Variants in CEP112 observed in about 807,000 individuals in gnomAD.
CEP112 encodes centrosomal protein of 112 kDa.
A neutral mutation model predicts 153.0 loss-of-function variants in CEP112; 127 were observed. The observed-to-expected ratio is 0.83, with a 90% CI of 0.72 to 0.96. The LOEUF is 0.96. Among genes scored for constraint, CEP112 ranks in the 40% least tolerant of loss-of-function variants. The pLI is 0.00. For synonymous variants in CEP112, 358 were observed against 374.4 expected (o/e 0.96, Z 0.51); for missense variants, 1,089 against 1,101.2 (o/e 0.99, Z 0.16).
chr17:65,943,049 G>C (rs576015675), intron 18 of CEP112, among the ~76,000 whole-genome samples: 5 of 152,060 alleles, frequency 3.3e-5, no homozygotes, highest in Non-Finnish European at 7.4e-5. Flanking sequence ...ATAGGCTTAA[G>C]GTGTAAGAAA....
Position 65,683,761 on chromosome 17 carries a change from C to A in CEP112, c.2697+5368G>T, listed in dbSNP as rs1250480765. On this transcript the variant is annotated intron_variant, in intron 24 of 26. Transcript: ENST00000535342. ...GCCATTTAGTAAAAGAACCAACTTC[C>A]AGCTGGGTGCGGTGGCTCAGGCCTG... Among the ~76,000 whole-genome samples the A allele has an allele frequency of 2.0e-5, 3 of 152,188 alleles. No homozygotes were observed. In the East Asian group the frequency reaches 5.8e-4, roughly 30 times the overall value.
chr17:65,666,674 CAT>C (rs2046708686), intron 24 of CEP112, among the ~76,000 whole-genome samples: 1 of 151,846 alleles, frequency 6.6e-6, no homozygotes, highest in Non-Finnish European at 1.5e-5. Flanking sequence ...TTCCTGAAAA[CAT>C]AACGAAATTG....
chr17:66,041,029 A>AT (rs1333946260), intron 12 of CEP112, among the ~76,000 whole-genome samples: 1 of 151,766 alleles, frequency 6.6e-6, no homozygotes. Context: ...TTCAAGATGC[A>AT]TTTTTTCTAT....
At chr17:66,023,300 T>A (rs1325139394) in intron 16 of CEP112, among the ~76,000 whole-genome samples, 1 of 151,832 alleles carries the variant, frequency 6.6e-6, no homozygotes, top group South Asian at 2.1e-4. Context: ...AAGAAAAAAA[T>A]CCTAAACTCA....
intron 16 of CEP112, among the ~76,000 whole-genome samples, chr17:66,013,068 T>C (rs577469725): frequency 6.6e-6 from 1 of 152,360 alleles, no homozygotes; most frequent in South Asian, 2.1e-4. Flanking sequence ...TCCAGCTCTA[T>C]CAGGTAAGTT....
chr17:65,993,058 T>C (rs1337369051), intron 17 of CEP112, among the ~76,000 whole-genome samples: 2 of 152,208 alleles, frequency 1.3e-5, no homozygotes, highest in Non-Finnish European at 2.9e-5. Flanking sequence ...AAGCCCAGCA[T>C]GCATTAGCTA....
chr17:65,746,678 A>C (rs1040459845), intron 22 of CEP112, among the ~76,000 whole-genome samples: 1 of 152,142 alleles, frequency 6.6e-6, no homozygotes, highest in African/African-American at 2.4e-5. Flanking sequence ...GTAGAACTAT[A>C]ATCATGGTAA....
chr17:65,643,796 C>T (rs1804847), intron 24 of CEP112, among the ~76,000 whole-genome samples: 1 of 152,176 alleles, frequency 6.6e-6, no homozygotes, highest in South Asian at 2.1e-4. Context: ...TCAGGAGTCC[C>T]TTCTCCAGAT....
At chr17:65,870,038 A>AAAGG (rs2058607630) in intron 20 of CEP112, among the ~76,000 whole-genome samples, 7 of 72,416 alleles carry the variant, frequency 9.7e-5, no homozygotes, top group Non-Finnish European at 6.7e-5. Context: ...AGAAAGAAAG[A>AAAGG]AAGAAAGAAA....
At chr17:66,076,413 G>A (rs1297908374) in intron 8 of CEP112, among the ~76,000 whole-genome samples, 1 of 152,094 alleles carries the variant, frequency 6.6e-6, no homozygotes, top group African/African-American at 2.4e-5. Context: ...TGGGAGCTGG[G>A]TGAGAGCTGT....
At chr17:65,988,436 A>T (rs1415800171) in intron 17 of CEP112, among the ~76,000 whole-genome samples, 1 of 152,244 alleles carries the variant, frequency 6.6e-6, no homozygotes, top group Non-Finnish European at 1.5e-5. Context: ...GCAAGGAACC[A>T]GCAACTGACT....
chr17:65,639,308 T>A (rs139846952), intron 25 of CEP112, among the ~76,000 whole-genome samples: 71 of 152,256 alleles, frequency 4.7e-4, no homozygotes, highest in African/African-American at 1.7e-3. Context: ...ATTAAGCACC[T>A]GTTATGTGCC....
At chr17:65,967,716 T>C (rs1299158721) in intron 17 of CEP112, among the ~76,000 whole-genome samples, 1 of 152,150 alleles carries the variant, frequency 6.6e-6, no homozygotes, top group Non-Finnish European at 1.5e-5. Context: ...TAAGTAAAAT[T>C]AATGAAAGTT....
At chr17:65,927,475 C>G (rs2060969083) in intron 19 of CEP112, 107 bp downstream of exon 19, 3 of 654,088 alleles carry the variant, frequency 4.6e-6, no homozygotes, top group Non-Finnish European at 5.2e-6. Context: ...AACAACAGCT[C>G]TTAGTAATAT....
chr17:65,812,296 C>T lies in CEP112; in HGVS notation c.2394+39508G>A, dbSNP rs72831440. 8.1e-3 allele frequency among the ~76,000 whole-genome samples: 1,236 copies of T among 152,358 alleles called. 7 individuals are homozygous for T. Among genetic ancestry groups the T allele is most frequent in the Non-Finnish European group, 0.012 (847 of 68,034 alleles). ...GGGATTACAGGCGTAAGCCACCGCACCCGGCCTAAAGAATTTTTTATTGCT... is the reference window on the plus strand; with the variant it reads ...GGGATTACAGGCGTAAGCCACCGCATCCGGCCTAAAGAATTTTTTATTGCT... On this transcript the variant is annotated intron_variant, in intron 21 of 26. Transcript: ENST00000535342.
intron 23 of CEP112, among the ~76,000 whole-genome samples, chr17:65,697,771 T>C (rs1185991946): frequency 1.3e-5 from 2 of 152,202 alleles, no homozygotes; most frequent in African/African-American, 4.8e-5. Flanking sequence ...TCAACTGAAA[T>C]GCCACTCAAG....
At chr17:65,950,699 C>CTATTATGATTATTATTAT (rs57598697) in intron 18 of CEP112, among the ~76,000 whole-genome samples, 1 of 147,134 alleles carries the variant, frequency 6.8e-6, no homozygotes, top group African/African-American at 2.5e-5. Context: ...GGATACATTA[C>CTATTATGATTATTATTAT]TAGTAGTAGT....
intron 17 of CEP112, among the ~76,000 whole-genome samples, chr17:66,002,465 T>C (rs1454052771): frequency 6.6e-6 from 1 of 152,144 alleles, no homozygotes; most frequent in Non-Finnish European, 1.5e-5. Flanking sequence ...TCTGGTCATG[T>C]AACAAGGTGA....
At chr17:65,783,807 T>C (rs1328080966) in intron 21 of CEP112, among the ~76,000 whole-genome samples, 1 of 152,236 alleles carries the variant, frequency 6.6e-6, no homozygotes, top group African/African-American at 2.4e-5. Flanking sequence ...ACCCAGACCC[T>C]AAAATCTACT....
Sources: allele counts gnomAD v4.1 joint callset (sites outside exome capture counted in the v4.1 genomes callset), GRCh38; gene constraint gnomAD v4.1.1; transcripts MANE v1.5; gene names NCBI Gene and HGNC (gene_info 2026-07-23, HGNC 2026-07-21).